Variants in CDH18 observed in about 807,000 individuals in gnomAD.
CDH18 encodes the protein cadherin 18, also known as cadherin-18.
Under a neutral mutation model 67.9 loss-of-function variants are expected in CDH18, and 31 were observed. That is an observed-to-expected ratio of 0.46 (90% confidence interval 0.34 to 0.62). The LOEUF is 0.62. CDH18 is among the 20% of genes least tolerant of loss of function. The pLI is 0.01. For missense variants in CDH18, 890 were observed against 975.5 expected (o/e 0.91, Z 1.17); for synonymous variants, 362 against 347.2 (o/e 1.04, Z -0.48).
At chr5:19,825,167 A>C (rs1780276775) in intron 3 of CDH18, among the ~76,000 whole-genome samples, 1 of 152,070 alleles carries the variant, frequency 6.6e-6, no homozygotes, top group African/African-American at 2.4e-5. Context: ...GTGTGAACTC[A>C]GCAAGTGGGC....
intron 5 of CDH18, among the ~76,000 whole-genome samples, chr5:19,675,168 A>G (rs1759301296): frequency 6.6e-6 from 1 of 152,092 alleles, no homozygotes. Context: ...CAGAGATCAC[A>G]TGCTTCACAA....
intron 11 of CDH18, among the ~76,000 whole-genome samples, chr5:19,490,394 G>GGTTTTT (rs1741223437): frequency 3.3e-5 from 2 of 60,210 alleles, no homozygotes; most frequent in African/African-American, 1.3e-4. Context: ...ATAAAAATCT[G>GGTTTTT]TTTTTTTTTT....
chr5:20,538,077 T>C (rs1703053), intron 1 of CDH18, among the ~76,000 whole-genome samples: 67,238 of 151,896 alleles, frequency 0.44, 15,325 homozygotes, highest in East Asian at 0.57. Context: ...CTCAGAATTA[T>C]GAGTTTACTT....
At chr5:19,830,913 C>A (rs984346937) in intron 3 of CDH18, among the ~76,000 whole-genome samples, 2 of 151,994 alleles carry the variant, frequency 1.3e-5, no homozygotes, top group African/African-American at 4.8e-5. Context: ...GAGGCCATAA[C>A]CTGACACAAA....
intron 2 of CDH18, among the ~76,000 whole-genome samples, chr5:20,051,180 A>G (rs1024024338): frequency 2.0e-5 from 3 of 151,956 alleles, no homozygotes; most frequent in South Asian, 2.1e-4. Context: ...CTATTTTGAA[A>G]CTTAAAGCAT....
At chr5:20,284,696 C>A (rs1053532617) in intron 1 of CDH18, among the ~76,000 whole-genome samples, 1 of 151,962 alleles carries the variant, frequency 6.6e-6, no homozygotes, top group African/African-American at 2.4e-5. Context: ...TCTCTGAGAT[C>A]CTGCTAATTT....
intron 2 of CDH18, among the ~76,000 whole-genome samples, chr5:19,917,601 T>C (rs1292339153): frequency 1.3e-5 from 2 of 152,122 alleles, no homozygotes; most frequent in Non-Finnish European, 2.9e-5. Flanking sequence ...TTCATCTATA[T>C]AAAGATAGCA....
At chr5:20,001,269 A>G (rs1736416947) in intron 2 of CDH18, among the ~76,000 whole-genome samples, 1 of 152,178 alleles carries the variant, frequency 6.6e-6, no homozygotes, top group East Asian at 1.9e-4. Context: ...TTATTCATGG[A>G]GAAAATTAAA....
chr5:20,294,562 C>T (rs1284797516), intron 1 of CDH18, among the ~76,000 whole-genome samples: 1 of 152,124 alleles, frequency 6.6e-6, no homozygotes, highest in Non-Finnish European at 1.5e-5. Context: ...ATGAGGAAAG[C>T]AGATTACAAA....
intron 2 of CDH18, among the ~76,000 whole-genome samples, chr5:19,977,787 A>G (rs1490520952): frequency 6.6e-6 from 1 of 152,146 alleles, no homozygotes; most frequent in Non-Finnish European, 1.5e-5. Context: ...TCAAACTGGA[A>G]GGATAAATTT....
intron 2 of CDH18, among the ~76,000 whole-genome samples, chr5:20,117,525 C>A (rs1748023195): frequency 6.6e-6 from 1 of 152,076 alleles, no homozygotes; most frequent in Admixed American, 6.6e-5. Context: ...TACACTGATT[C>A]TAAATTGAGG....
chr5:20,074,024 C>T (rs2150529538), intron 2 of CDH18, among the ~76,000 whole-genome samples: 1 of 152,154 alleles, frequency 6.6e-6, no homozygotes, highest in Non-Finnish European at 1.5e-5. Context: ...TTTACGTAAT[C>T]AGAAATTGTC....
chr5:20,262,148 G>A (rs930527350), intron 1 of CDH18, among the ~76,000 whole-genome samples: 2 of 152,192 alleles, frequency 1.3e-5, no homozygotes, highest in Non-Finnish European at 2.9e-5. Flanking sequence ...GGGGTCATTT[G>A]TAAGCCAATT....
At chr5:20,139,617 A>G (rs533558127) in intron 2 of CDH18, among the ~76,000 whole-genome samples, 191 of 152,328 alleles carry the variant, frequency 1.3e-3, no homozygotes, top group Non-Finnish European at 2.2e-3. Flanking sequence ...AAACAAATTT[A>G]CAAGAAAAAA....
At chr5:19,626,743 C>A (rs923980455) in intron 5 of CDH18, among the ~76,000 whole-genome samples, 1 of 151,424 alleles carries the variant, frequency 6.6e-6, no homozygotes, top group Non-Finnish European at 1.5e-5. Flanking sequence ...CCATATATAG[C>A]AGATTAGTTG....
intron 2 of CDH18, among the ~76,000 whole-genome samples, chr5:19,841,779 G>T (rs140304072): frequency 6.6e-6 from 1 of 152,224 alleles, no homozygotes; most frequent in East Asian, 1.9e-4. Flanking sequence ...ATGCATTACA[G>T]ATATGTAAAA....
At chr5:20,327,880 T>C (rs1738752841) in intron 1 of CDH18, among the ~76,000 whole-genome samples, 1 of 151,680 alleles carries the variant, frequency 6.6e-6, no homozygotes, top group African/African-American at 2.4e-5. Flanking sequence ...TCTACAAAAA[T>C]AATAACAATA....
intron 2 of CDH18, among the ~76,000 whole-genome samples, chr5:20,058,221 A>G (rs528163241): frequency 6.6e-6 from 1 of 152,276 alleles, no homozygotes; most frequent in Non-Finnish European, 1.5e-5. Context: ...ACTATCTTTA[A>G]GCACAAAAAA....
At chr5:19,886,312 T>C (rs1317502984) in intron 2 of CDH18, 1 of 152,104 alleles carries the variant, frequency 6.6e-6, no homozygotes, top group East Asian at 1.9e-4. Context: ...TTTCGTGACA[T>C]GGTGAGTCAA....
Sources: allele counts gnomAD v4.1 joint callset (sites outside exome capture counted in the v4.1 genomes callset), GRCh38; gene constraint gnomAD v4.1.1; transcripts MANE v1.5; gene names NCBI Gene and HGNC (gene_info 2026-07-23, HGNC 2026-07-21).